Variants in CLDN15 observed in about 807,000 individuals in gnomAD.
CLDN15 encodes claudin-15.
Under a neutral mutation model 24.5 loss-of-function variants are expected in CLDN15, and 9 were observed. The observed-to-expected ratio is 0.37, with a 90% CI of 0.22 to 0.64. CLDN15 has a LOEUF of 0.64. Ranked by LOEUF, CLDN15 falls within the 30% of genes least tolerant of loss-of-function variation. The probability of loss-of-function intolerance (pLI) is 0.63; values close to 1 mark genes in which losing one functional copy is unlikely to be tolerated. For missense variants in CLDN15, 248 were observed against 305.9 expected (o/e 0.81, Z 1.41); for synonymous variants, 149 against 131.4 (o/e 1.13, Z -0.92).
chr7:101,235,265 G>A (rs944213167), intron 1 of CLDN15, among the ~76,000 whole-genome samples: 2 of 152,174 alleles, frequency 1.3e-5, no homozygotes, highest in Admixed American at 6.5e-5. Context: ...GAGGGCCTAG[G>A]GCAGTTTTAG....
At chr7:101,235,250 C>T (rs1257726007) in intron 1 of CLDN15, among the ~76,000 whole-genome samples, 1 of 152,202 alleles carries the variant, frequency 6.6e-6, no homozygotes, top group South Asian at 2.1e-4. Context: ...CGGTGCTGTA[C>T]AGCAGAGGGC....
At position 101,232,378 on chromosome 7, in the gene CLDN15, G is replaced by A. The variant is rs1351349907; in HGVS notation, c.*32C>T. The stretch of plus-strand genomic sequence containing the variant: ...CCAGGTCCCCTCTCCTTGGGGCAGT[G>A]GGAAGACAGCGGGGCCCACGGGCCA... On this transcript the variant is annotated 3_prime_UTR_variant, in exon 5 of 5. Coordinates refer to ENST00000308344, the MANE Select transcript of CLDN15 (RefSeq NM_014343.3). 1 of 1,502,606 alleles carries A rather than the reference G, an allele frequency of 6.7e-7. No homozygotes were observed. Among genetic ancestry groups the A allele is most frequent in the Admixed American group, 1.7e-5 (1 of 58,574 alleles). 93.1% of individuals were successfully genotyped at this position (1,502,606 alleles called of 1,614,324 possible). A position where few individuals can be genotyped will look rare whatever the true frequency, so the allele number is the denominator to read the frequency against.
Position 101,232,855 on chromosome 7 carries a change from C to T in CLDN15, c.442G>A (p.Asp148Asn). The change falls in exon 3 of 5, where the codon GAC becomes AAC. Residue 148 changes from aspartate (D) to asparagine (N), a missense_variant. Transcript: ENST00000308344. ...CACTTGGTTCCGGGGTACAAGGGGT[C>T]GAAGAAGTCCCGGGTGATGTTGAAG... is the stretch of plus-strand genomic sequence containing the variant. ...YAFNITRDFF[D>N]PLYPGTKYEL... The T allele has an allele frequency of 6.2e-7, 1 of 1,613,254 alleles. No homozygotes were observed. The highest frequency in any genetic ancestry group is 1.1e-5 in the South Asian group (1 of 91,058).
intron 1 of CLDN15, among the ~76,000 whole-genome samples, chr7:101,236,096 C>A (rs934186555): frequency 2.0e-5 from 3 of 152,152 alleles, no homozygotes; most frequent in Admixed American, 6.5e-5. Context: ...CATGCAGTTG[C>A]CAGGGGTGCC....
intron 2 of CLDN15, among the ~76,000 whole-genome samples, chr7:101,233,133 C>T (rs1798536822): frequency 6.6e-6 from 1 of 152,116 alleles, no homozygotes; most frequent in East Asian, 1.9e-4. Flanking sequence ...AAGTCCAGCC[C>T]ACCCAGCTCA....
rs746861741 is a variant in CLDN15, at chr7:101,233,764, ATTTTTTTT to A, written c.382+506_382+513del. ...AGGTGCCTGCCACCACGCCTGGCTA[ATTTTTTTT>A]TTTTTTTTTTTTTTTTTTTTTTGGT... On this transcript the variant is annotated intron_variant, in intron 2 of 4. Transcript: ENST00000308344. 824 of 88,536 alleles carry A rather than the reference ATTTTTTTT, an allele frequency of 9.3e-3. 13 individuals carry two copies. The highest frequency in any genetic ancestry group is 0.038 in the African/African-American group (771 of 20,178). The allele number at this position is 88,536 out of a possible 1,614,324, so 5.5% of individuals were successfully genotyped here.
chr7:101,232,482 C>T lies in CLDN15; in HGVS notation c.615G>A (p.Val205=), dbSNP rs1408338123. 1.9e-6 allele frequency: 3 copies of T among 1,613,468 alleles called. No individual in the cohort carries two copies. The highest frequency in any genetic ancestry group is 1.7e-6 in the Non-Finnish European group (2 of 1,179,632). Residue 205 remains valine (V), a synonymous_variant, in exon 5 of 5, where the codon GTG becomes GTA. Transcript: ENST00000308344. ...ARRPYQAPVS[V]MPVATSDQEG... ...CTTGGTCCGAGGTGGCGACGGGCAT[C>T]ACGGACACTGGAGCCTGGTAGGGCC...
At position 101,232,398 on chromosome 7, in the gene CLDN15, G is replaced by A. The variant is rs951947613; in HGVS notation, c.*12C>T. 3.8e-6 allele frequency: 6 copies of A among 1,591,668 alleles called. No individual in the cohort carries two copies. Among genetic ancestry groups the A allele is most frequent in the East Asian group, 2.2e-5 (1 of 44,736 alleles). Reference sequence around the variant, plus strand: ...GCAGTGGGAAGACAGCGGGGCCCACGGGCCAGAGCTGCTACACGTAGGCGT... The same window carrying A: ...GCAGTGGGAAGACAGCGGGGCCCACAGGCCAGAGCTGCTACACGTAGGCGT... On this transcript the variant is annotated 3_prime_UTR_variant, in exon 5 of 5. Transcript: ENST00000308344.
intron 1 of CLDN15, 145 bp from the exon 2 acceptor site, chr7:101,234,587 C>T (rs1398517631): frequency 3.3e-5 from 20 of 609,736 alleles, no homozygotes; most frequent in African/African-American, 2.2e-4. Context: ...CCACCACGCC[C>T]GGCTAATTTT....
upstream of CLDN15, chr7:101,237,978 A>C (rs935318807): frequency 7.0e-6 from 2 of 286,858 alleles, no homozygotes; most frequent in South Asian, 3.7e-5. This position sits in a 1 kb window ranked among gnomAD's most constrained non-coding sequence, Gnocchi z 4.0. Context: ...GGGGCCCCCA[A>C]GGGAGGCACT....
chr7:101,237,975 C>A, upstream of CLDN15: 1 of 288,066 alleles, frequency 3.5e-6, no homozygotes, highest in Non-Finnish European at 6.9e-6. This position sits in a 1 kb window ranked among gnomAD's most constrained non-coding sequence, Gnocchi z 4.0. Context: ...GGAGGGGCCC[C>A]CAAGGGAGGC....
upstream of CLDN15, chr7:101,238,066 G>C (rs570024517): frequency 1.9e-5 from 4 of 214,922 alleles, no homozygotes; most frequent in African/African-American, 8.9e-5. Context: ...GACAAGGAGT[G>C]AAAAGATGAC....
At chr7:101,236,605 A>G in intron 1 of CLDN15, 2 of 538,532 alleles carry the variant, frequency 3.7e-6, no homozygotes, top group Non-Finnish European at 5.9e-6. Context: ...CCCCGGAGAA[A>G]CAATGGGGCG....
Position 101,232,438 on chromosome 7 carries a change from C to T in CLDN15, c.659G>A (p.Gly220Asp), listed in dbSNP as rs771242076. The T allele has an allele frequency of 7.4e-6, 12 of 1,613,456 alleles. No individual in the cohort carries two copies. The South Asian group carries it at 1.3e-4, about 18-fold the overall frequency. ...TSDQEGDSSF[G>D]KYGRNAYV Reference sequence around the variant, plus strand: ...CACGTAGGCGTTTCTGCCGTATTTGCCAAAGCTGCTGTCGCCTTCTTGGTC... The same window carrying T: ...CACGTAGGCGTTTCTGCCGTATTTGTCAAAGCTGCTGTCGCCTTCTTGGTC... The change falls in exon 5 of 5, where the codon GGC becomes GAC. Residue 220 changes from glycine (G) to aspartate (D), a missense_variant. By Grantham distance (94) the Gly-to-Asp change is moderately conservative (BLOSUM62 -1). Coordinates refer to ENST00000308344, the MANE Select transcript of CLDN15 (RefSeq NM_014343.3).
At position 101,234,324 on chromosome 7, in the gene CLDN15, C is replaced by G; in HGVS notation, c.336G>C (p.Arg112Ser). Residue 112 changes from arginine (R) to serine (S), a missense_variant, in exon 2 of 5, where the codon AGG becomes AGC. By Grantham distance (110) the Arg-to-Ser change is moderately radical (BLOSUM62 -1). Transcript: ENST00000308344. ...CTNIGGLELS[R>S]KAKLAATAGA... ...CTGCGGTGGCCGCCAGCTTGGCTTT[C>G]CTGGAGAGCTCCAGGCCCCCAATGT... is the stretch of plus-strand genomic sequence containing the variant. 6.2e-7 allele frequency: 1 copy of G among 1,611,336 alleles called. No homozygotes were observed. Among genetic ancestry groups the G allele is most frequent in the Non-Finnish European group, 8.5e-7 (1 of 1,179,852 alleles).
rs552485066 is a variant in CLDN15, at chr7:101,232,287, C to A, written c.*123G>T. 3 of 659,500 alleles carry A rather than the reference C, an allele frequency of 4.5e-6. No individual in the cohort carries two copies. The highest frequency in any genetic ancestry group is 7.8e-6 in the Non-Finnish European group (3 of 386,780). The allele number at this position is 659,500 out of a possible 1,614,324, so 40.9% of individuals were successfully genotyped here. On this transcript the variant is annotated 3_prime_UTR_variant, in exon 5 of 5. Transcript: ENST00000308344. Reference sequence around the variant, plus strand: ...AGAGTGCAAGACACGGGGCCGTGGCCGGGGCGGGGCTACGGGAGCGGGGCG... The same window carrying A: ...AGAGTGCAAGACACGGGGCCGTGGCAGGGGCGGGGCTACGGGAGCGGGGCG...
At chr7:101,236,654 G>A (rs1584267946) in intron 1 of CLDN15, 12 of 1,011,156 alleles carry the variant, frequency 1.2e-5, no homozygotes, top group East Asian at 6.1e-5. Flanking sequence ...GGAAGGTGCC[G>A]CAGCCACAGA....
At position 101,232,350 on chromosome 7, in the gene CLDN15, C is replaced by T. The variant is rs922380967; in HGVS notation, c.*60G>A. 1.6e-6 allele frequency: 2 copies of T among 1,282,044 alleles called. No individual in the cohort carries two copies. The highest frequency in any genetic ancestry group is 2.3e-5 in the East Asian group (1 of 42,628). The allele number at this position is 1,282,044 out of a possible 1,614,324, so 79.4% of individuals were successfully genotyped here. Reference sequence around the variant, plus strand: ...GAGGTTACTATAGGGGAATGGGCCCCGGCCAGGTCCCCTCTCCTTGGGGCA... The same window carrying T: ...GAGGTTACTATAGGGGAATGGGCCCTGGCCAGGTCCCCTCTCCTTGGGGCA... On this transcript the variant is annotated 3_prime_UTR_variant, in exon 5 of 5. Transcript: ENST00000308344.
chr7:101,235,296 G>A (rs571458368), intron 1 of CLDN15, among the ~76,000 whole-genome samples: 76 of 152,226 alleles, frequency 5.0e-4, no homozygotes, highest in African/African-American at 1.5e-3. Flanking sequence ...TTGCTTTGTC[G>A]CCCAGGCCAG....
Sources: allele counts gnomAD v4.1 joint callset (sites outside exome capture counted in the v4.1 genomes callset), GRCh38; gene constraint gnomAD v4.1.1; non-coding constraint Gnocchi (gnomAD v3.1); transcripts MANE v1.5; gene names NCBI Gene and HGNC (gene_info 2026-07-23, HGNC 2026-07-21).